The following TYW1 variants were observed in gnomAD, a reference collection of about 807,000 sequenced individuals.
The protein encoded by TYW1 is S-adenosyl-L-methionine-dependent tRNA 4-demethylwyosine synthase TYW1.
TYW1 carries 46 observed loss-of-function variants against 96.2 expected under a neutral mutation model. The observed-to-expected ratio is 0.48, with a 90% CI of 0.38 to 0.61. The LOEUF is 0.61. TYW1 is among the 20% of genes least tolerant of loss of function. The pLI is 0.00. For synonymous variants in TYW1, 274 were observed against 323.0 expected, an observed-to-expected ratio of 0.85 and a Z score of 1.63; for missense variants, 684 against 909.6, an observed-to-expected ratio of 0.75 and a Z score of 3.19.
At chr7:67,011,919 A>G (rs548999049) in intron 4 of TYW1, among the ~76,000 whole-genome samples, 12 of 151,942 alleles carry the variant, frequency 7.9e-5, no homozygotes, top group African/African-American at 2.9e-4. Flanking sequence ...GGGTTGACAA[A>G]CTTTCACGTG....
chr7:67,020,275 C>T (rs1794202298), intron 6 of TYW1, among the ~76,000 whole-genome samples: 1 of 152,244 alleles, frequency 6.6e-6, no homozygotes, highest in Admixed American at 6.5e-5. Flanking sequence ...CCCTGCTACT[C>T]AGGAGGCCGA....
chr7:67,042,389 A>G (rs1468271955), intron 7 of TYW1, among the ~76,000 whole-genome samples: 1 of 152,144 alleles, frequency 6.6e-6, no homozygotes, highest in Non-Finnish European at 1.5e-5. Flanking sequence ...AGTGGTTTCT[A>G]AGAACTAGAG....
intron 10 of TYW1, among the ~76,000 whole-genome samples, chr7:67,070,398 T>G (rs1795996797): frequency 6.6e-6 from 1 of 152,228 alleles, no homozygotes; most frequent in Admixed American, 6.5e-5. Flanking sequence ...CCAGCTCTTT[T>G]CAATTTGATG....
At chr7:67,197,901 G>T (rs1800451959) in intron 15 of TYW1, among the ~76,000 whole-genome samples, 1 of 150,916 alleles carries the variant, frequency 6.6e-6, no homozygotes, top group East Asian at 1.9e-4. Context: ...TTGTTCTCTT[G>T]CTCTCTCTCT....
At chr7:67,101,545 T>C (rs1797088290) in intron 12 of TYW1, among the ~76,000 whole-genome samples, 1 of 152,216 alleles carries the variant, frequency 6.6e-6, no homozygotes, top group African/African-American at 2.4e-5. Context: ...AGACAAAGTC[T>C]AGCTTTGTCG....
chr7:67,118,837 G>T (rs1190271142), intron 13 of TYW1, among the ~76,000 whole-genome samples: 3 of 133,180 alleles, frequency 2.3e-5, no homozygotes, highest in African/African-American at 2.7e-5. Context: ...CCGAGATTGC[G>T]CCACTGCACT....
chr7:67,203,297 T>C (rs1021635293), intron 15 of TYW1, among the ~76,000 whole-genome samples: 1 of 152,250 alleles, frequency 6.6e-6, no homozygotes, highest in Non-Finnish European at 1.5e-5. Context: ...TTTTCTGTCC[T>C]TTGCCTTTCA....
chr7:67,133,528 T>G (rs1798154323), intron 13 of TYW1, among the ~76,000 whole-genome samples: 1 of 150,258 alleles, frequency 6.7e-6, no homozygotes, highest in Admixed American at 6.7e-5. Flanking sequence ...TGAAACCCCG[T>G]CTCTACTAAA....
intron 13 of TYW1, among the ~76,000 whole-genome samples, chr7:67,140,151 C>G (rs1798400627): frequency 6.6e-6 from 1 of 152,008 alleles, no homozygotes; most frequent in African/African-American, 2.4e-5. Context: ...TATTCACTAT[C>G]ATGAGAACAG....
intron 8 of TYW1, among the ~76,000 whole-genome samples, chr7:67,054,861 T>C (rs3980714): frequency 0.17 from 25,914 of 151,928 alleles, 2,444 homozygotes; most frequent in African/African-American, 0.27. Context: ...TACTTTGGCC[T>C]GGCTTTTTCC....
At chr7:67,027,929 C>CA (rs5884602) in intron 7 of TYW1, among the ~76,000 whole-genome samples, 66,023 of 121,980 alleles carry the variant, frequency 0.54, 17,075 homozygotes, top group Middle Eastern at 0.64. Flanking sequence ...GACTCCATCT[C>CA]AAAAAAAAAA....
intron 14 of TYW1, among the ~76,000 whole-genome samples, chr7:67,188,533 C>G (rs950850935): frequency 6.6e-6 from 1 of 152,044 alleles, no homozygotes; most frequent in Admixed American, 6.6e-5. Context: ...GAAAAGAGAC[C>G]ATTCTGGAAG....
chr7:67,023,815 A>G (rs913760194), intron 6 of TYW1, among the ~76,000 whole-genome samples: 2 of 151,938 alleles, frequency 1.3e-5, no homozygotes, highest in Non-Finnish European at 2.9e-5. Flanking sequence ...AATCTCTCTA[A>G]CGTTTTATTC....
At chr7:67,193,580 G>C (rs193044082) in intron 14 of TYW1, among the ~76,000 whole-genome samples, 1 of 152,084 alleles carries the variant, frequency 6.6e-6, no homozygotes, top group African/African-American at 2.4e-5. Context: ...CCAACATGGC[G>C]AAACTCCATC....
At chr7:67,105,832 A>C (rs1441899333) in intron 12 of TYW1, among the ~76,000 whole-genome samples, 6 of 151,886 alleles carry the variant, frequency 4.0e-5, no homozygotes, top group Non-Finnish European at 7.4e-5. Flanking sequence ...TGTGTGTTTC[A>C]TATGCAGTCT....
Position 67,004,974 on chromosome 7 carries a change from T to TC in TYW1, c.274-4607dup, listed in dbSNP as rs556337143. On this transcript the variant is annotated intron_variant, in intron 3 of 15. Transcript: ENST00000359626. ...TTTCACCATGTTGGTCAGGCTGGTC[T>TC]CCAACTCCTGACCTCAGGTGATCCA... Among the ~76,000 whole-genome samples the TC allele has an allele frequency of 3.7e-3, 567 of 152,280 alleles. 2 individuals carry two copies. Among genetic ancestry groups the TC allele is most frequent in the Non-Finnish European group, 6.9e-3 (472 of 68,020 alleles).
At chr7:67,010,722 G>A (rs1433069016) in intron 4 of TYW1, among the ~76,000 whole-genome samples, 1 of 151,938 alleles carries the variant, frequency 6.6e-6, no homozygotes, top group African/African-American at 2.4e-5. Context: ...TGATCCGCCT[G>A]CCTCGGCCTC....
chr7:67,186,914 A>G (rs1800043348), intron 14 of TYW1, among the ~76,000 whole-genome samples: 1 of 152,132 alleles, frequency 6.6e-6, no homozygotes, highest in African/African-American at 2.4e-5. Flanking sequence ...AGCTCTGGAG[A>G]TGAAAAATTT....
At chr7:67,126,414 C>G (rs1777334260) in intron 13 of TYW1, among the ~76,000 whole-genome samples, 1 of 152,070 alleles carries the variant, frequency 6.6e-6, no homozygotes, top group Non-Finnish European at 1.5e-5. Flanking sequence ...AATGTGTTCT[C>G]CCAGTCTGTA....
Sources: allele counts gnomAD v4.1 joint callset (sites outside exome capture counted in the v4.1 genomes callset), GRCh38; gene constraint gnomAD v4.1.1; transcripts MANE v1.5; gene names NCBI Gene and HGNC (gene_info 2026-07-23, HGNC 2026-07-21).